The following GPC6 variants were observed in gnomAD, a reference collection of about 807,000 sequenced individuals.
GPC6 encodes the protein glypican 6.
In GPC6, 14 loss-of-function variants were observed where a neutral mutation model predicts 55.2. The observed-to-expected ratio is 0.25, with a 90% CI of 0.17 to 0.40. GPC6 has a LOEUF of 0.40. Among genes scored for constraint, GPC6 ranks in the 10% least tolerant of loss-of-function variants. The pLI is 1.00. For synonymous variants in GPC6, 278 were observed against 259.6 expected (o/e 1.07, Z -0.68); for missense variants, 641 against 708.5 (o/e 0.90, Z 1.08).
chr13:93,742,608 G>A (rs1353413595), intron 2 of GPC6, among the ~76,000 whole-genome samples: 3 of 152,192 alleles, frequency 2.0e-5, no homozygotes, highest in African/African-American at 7.2e-5. Context: ...GATTAATGTG[G>A]GGATATCAAT....
chr13:93,675,441 G>A (rs148913074), intron 2 of GPC6, among the ~76,000 whole-genome samples: 4 of 152,040 alleles, frequency 2.6e-5, no homozygotes, highest in African/African-American at 9.6e-5. Context: ...ACTGGACACT[G>A]TTCTGTTCAC....
chr13:93,285,616 CTGTGTGTGTGTGTG>C (rs754671051), intron 1 of GPC6, among the ~76,000 whole-genome samples: 5 of 103,590 alleles, frequency 4.8e-5, no homozygotes, highest in East Asian at 3.1e-4. Context: ...GTATATACTG[CTGTGTGTGTGTGTG>C]TGTGTGTGTG....
intron 1 of GPC6, among the ~76,000 whole-genome samples, chr13:93,297,886 A>C (rs1307043574): frequency 6.6e-6 from 1 of 152,174 alleles, no homozygotes; most frequent in Non-Finnish European, 1.5e-5. Context: ...GAGAGCCTTC[A>C]TGGGGAGATC....
In GPC6 at chr13:93,470,836, TTA is replaced by T. The variant is rs898180429; in HGVS notation, c.161-74425_161-74424del. Among the ~76,000 whole-genome samples the T allele has an allele frequency of 4.1e-4, 63 of 152,274 alleles. 1 individual carries two copies. Among genetic ancestry groups the T allele is most frequent in the Middle Eastern group, 6.8e-3 (2 of 294 alleles). On this transcript the variant is annotated intron_variant, in intron 1 of 8. Transcript: ENST00000377047. ...TTTCTTTTAAATCGGATGATAAATG[TTA>T]TCCATTTCATCATCAGTCATTTTTG...
chr13:93,954,250 T>C (rs368173235), intron 3 of GPC6, among the ~76,000 whole-genome samples: 75 of 152,338 alleles, frequency 4.9e-4, no homozygotes, highest in African/African-American at 1.8e-3. Flanking sequence ...TCTGAAAACA[T>C]AGCAAAAGTG....
chr13:93,385,834 G>T (rs1404327558), intron 1 of GPC6, among the ~76,000 whole-genome samples: 2 of 151,596 alleles, frequency 1.3e-5, no homozygotes, highest in Non-Finnish European at 2.9e-5. Context: ...TTGCCATTTT[G>T]GGTTCAACAT....
chr13:93,711,065 A>G (rs1162260945), intron 2 of GPC6, among the ~76,000 whole-genome samples: 1 of 151,848 alleles, frequency 6.6e-6, no homozygotes, highest in Admixed American at 6.6e-5. Context: ...TTACAGATTA[A>G]TGAAGTGCAG....
intron 3 of GPC6, among the ~76,000 whole-genome samples, chr13:93,851,248 T>C (rs1486860585): frequency 1.3e-5 from 2 of 151,976 alleles, no homozygotes; most frequent in East Asian, 1.9e-4. Flanking sequence ...AAATCTACTA[T>C]ACTATGTTTT....
intron 3 of GPC6, among the ~76,000 whole-genome samples, chr13:93,940,997 A>G (rs1878708013): frequency 6.6e-6 from 1 of 152,214 alleles, no homozygotes; most frequent in African/African-American, 2.4e-5. Flanking sequence ...TAACATCAAA[A>G]AAGTTTTTGG....
Position 93,779,070 on chromosome 13 carries a change from A to T in GPC6, c.320-51084A>T, listed in dbSNP as rs115143226. On this transcript the variant is annotated intron_variant, in intron 2 of 8. Coordinates refer to ENST00000377047, the MANE Select transcript of GPC6 (RefSeq NM_005708.5). ...TATAACTATCCTTTTATATTTTAAAAACATTTTATATTAATCTGCCAAATA... is the reference window on the plus strand; with the variant it reads ...TATAACTATCCTTTTATATTTTAAATACATTTTATATTAATCTGCCAAATA... Among the ~76,000 whole-genome samples, 659 of 152,322 alleles carry T rather than the reference A, an allele frequency of 4.3e-3. 2 individuals are homozygous for T. The highest frequency in any genetic ancestry group is 0.015 in the African/African-American group (634 of 41,576).
chr13:94,326,201 T>C (rs1877105331), intron 6 of GPC6, among the ~76,000 whole-genome samples: 1 of 99,778 alleles, frequency 1.0e-5, no homozygotes, highest in South Asian at 3.6e-4. Context: ...TTTGGTATGC[T>C]TGTGCACACA....
At chr13:94,327,198 G>A (rs1029760348) in intron 6 of GPC6, among the ~76,000 whole-genome samples, 14 of 152,186 alleles carry the variant, frequency 9.2e-5, no homozygotes, top group Non-Finnish European at 2.1e-4. Context: ...GAGCCTGGCT[G>A]TTCACGTAGC....
intron 3 of GPC6, among the ~76,000 whole-genome samples, chr13:93,870,475 C>T (rs1275948497): frequency 6.6e-6 from 1 of 151,788 alleles, no homozygotes; most frequent in Non-Finnish European, 1.5e-5. Flanking sequence ...ATAGAATAGT[C>T]CAATTGTTTT....
intron 3 of GPC6, among the ~76,000 whole-genome samples, chr13:93,851,244 A>G (rs924707097): frequency 1.3e-5 from 2 of 151,950 alleles, no homozygotes; most frequent in Non-Finnish European, 2.9e-5. Flanking sequence ...ATCTAAATCT[A>G]CTATACTATG....
At chr13:94,166,323 G>A (rs1245335409) in intron 4 of GPC6, among the ~76,000 whole-genome samples, 2 of 152,142 alleles carry the variant, frequency 1.3e-5, no homozygotes, top group Admixed American at 1.3e-4. Flanking sequence ...CGTATTGTAA[G>A]ACATCATAAT....
At chr13:94,175,805 T>C (rs2138937309) in intron 4 of GPC6, among the ~76,000 whole-genome samples, 1 of 148,758 alleles carries the variant, frequency 6.7e-6, no homozygotes, top group East Asian at 1.9e-4. Flanking sequence ...TATTTAAAGT[T>C]ATATATATCT....
chr13:93,784,988 A>C lies in GPC6; in HGVS notation c.320-45166A>C, dbSNP rs945942051. Among the ~76,000 whole-genome samples the C allele has an allele frequency of 5.9e-5, 9 of 152,220 alleles. 1 individual carries two copies. Among genetic ancestry groups the C allele is most frequent in the Non-Finnish European group, 1.3e-4 (9 of 68,036 alleles). ...CCTGGAAAAACTTCAAAAGAAGTTG[A>C]CAGGAATAAAAAGGAATATATATTT... On this transcript the variant is annotated intron_variant, in intron 2 of 8. Transcript: ENST00000377047.
chr13:93,715,242 A>T (rs1883210511), intron 2 of GPC6, among the ~76,000 whole-genome samples: 1 of 151,770 alleles, frequency 6.6e-6, no homozygotes. Context: ...TGGATAAAGG[A>T]AATATGGTAC....
intron 1 of GPC6, among the ~76,000 whole-genome samples, chr13:93,353,023 G>A (rs756121424): frequency 6.6e-6 from 1 of 152,158 alleles, no homozygotes; most frequent in Admixed American, 6.5e-5. Context: ...GGATAGGGTA[G>A]TACAGGCCAA....
Sources: gnomAD v4.1 joint callset for allele counts (sites outside exome capture counted in the v4.1 genomes callset) on GRCh38, gnomAD v4.1.1 for gene constraint, MANE v1.5 for transcripts, NCBI Gene and HGNC (gene_info 2026-07-23, HGNC 2026-07-21) for gene names.